PFKFB3: variants seen among roughly 807,000 people sequenced by gnomAD.
PFKFB3 encodes 6-phosphofructo-2-kinase/fructose-2,6-bisphosphatase 3.
Under a neutral mutation model 68.0 loss-of-function variants are expected in PFKFB3, and 33 were observed. The ratio of observed to expected loss-of-function variants is 0.49; its 90% CI spans 0.37 to 0.65. The LOEUF (loss-of-function observed/expected upper bound fraction) is 0.65. Among genes scored for constraint, PFKFB3 ranks in the 30% least tolerant of loss-of-function variants. PFKFB3 has a pLI of 0.00. For missense variants in PFKFB3, 586 were observed against 712.2 expected, an observed-to-expected ratio of 0.82 and a Z score of 2.02; for synonymous variants, 315 against 288.2, an observed-to-expected ratio of 1.09 and a Z score of -0.94.
intron 14 of PFKFB3, among the ~76,000 whole-genome samples, chr10:6,247,022 G>A (rs10906079): frequency 0.17 from 25,974 of 152,182 alleles, 2,981 homozygotes; most frequent in East Asian, 0.44. Context: ...AGTCCCAAAC[G>A]AAGTCAGATG....
the PFKFB3 span, among the ~76,000 whole-genome samples, chr10:6,266,298 C>G: frequency 6.6e-6 from 1 of 152,074 alleles, no homozygotes; most frequent in African/African-American, 2.4e-5. Flanking sequence ...CAAATTGTCC[C>G]AGATTTGGGT....
chr10:6,221,193 G>T (rs146333411), intron 8 of PFKFB3, among the ~76,000 whole-genome samples, 188 bp from the exon 9 acceptor site: 1 of 152,182 alleles, frequency 6.6e-6, no homozygotes, highest in Non-Finnish European at 1.5e-5. Context: ...ACTAGGAAGG[G>T]AAGGGGCAGG....
chr10:6,177,652 A>G (rs150947447), intron 1 of PFKFB3, among the ~76,000 whole-genome samples: 3,718 of 151,468 alleles, frequency 0.025, 63 homozygotes, highest in South Asian at 0.042. Flanking sequence ...CAGCCTAACA[A>G]GTAGCTGGGA....
intron 1 of PFKFB3, among the ~76,000 whole-genome samples, chr10:6,188,526 AT>A (rs1459069562): frequency 3.3e-5 from 5 of 151,880 alleles, no homozygotes; most frequent in Non-Finnish European, 7.4e-5. Context: ...CATCTTAATC[AT>A]TTTTAAATGT....
At chr10:6,168,366 T>A (rs1303367163) in intron 1 of PFKFB3, among the ~76,000 whole-genome samples, 1 of 152,210 alleles carries the variant, frequency 6.6e-6, no homozygotes, top group East Asian at 1.9e-4. Context: ...GAACGGTGGC[T>A]TCAGTCAGCC....
rs1381179905 is a variant in PFKFB3, at chr10:6,215,491, G to A, written c.299+174G>A. 6.6e-6 allele frequency among the ~76,000 whole-genome samples: 1 copy of A among 152,070 alleles called. No homozygotes were observed. The highest frequency in any genetic ancestry group is 1.5e-5 in the Non-Finnish European group (1 of 68,010). Reference sequence around the variant, plus strand: ...TGGGCTGCGGGCTTGGGCTTGCTTTGTTCTGAGCCAGGCTCTGTAGGAGGC... The same window carrying A: ...TGGGCTGCGGGCTTGGGCTTGCTTTATTCTGAGCCAGGCTCTGTAGGAGGC... On this transcript the variant is annotated intron_variant, in intron 3 of 14. Coordinates refer to ENST00000379775, the MANE Select transcript of PFKFB3 (RefSeq NM_004566.4). The surrounding 1 kb of genome is among the most constrained non-coding windows in gnomAD (Gnocchi z 4.3).
At chr10:6,183,601 C>CAAA (rs773888395) in intron 1 of PFKFB3, among the ~76,000 whole-genome samples, 3,371 of 127,622 alleles carry the variant, frequency 0.026, 93 homozygotes, top group African/African-American at 0.054. Context: ...CCAGCCTGGT[C>CAAA]AAAAAAAAAA....
the PFKFB3 span, among the ~76,000 whole-genome samples, chr10:6,323,506 C>T: frequency 1.3e-5 from 2 of 152,198 alleles, no homozygotes; most frequent in Admixed American, 6.5e-5. Flanking sequence ...TCACTTCTTA[C>T]CCTGCAGCGC....
chr10:6,311,479 C>T, the PFKFB3 span, among the ~76,000 whole-genome samples: 1 of 146,488 alleles, frequency 6.8e-6, no homozygotes, highest in Admixed American at 6.9e-5. Flanking sequence ...GTTGGCTGGG[C>T]CCAGTGGCTC....
rs577319547 is a variant in PFKFB3 at position 6,233,075 on chromosome 10, G to A, written c.*133G>A. The stretch of plus-strand genomic sequence containing the variant: ...GTGGAGCAGCGGGGGAGCCTTGGCC[G>A]AAGAGAACCATGCTTGGCACCGTCT... On this transcript the variant is annotated 3_prime_UTR_variant, in exon 15 of 15. Transcript: ENST00000379775. The A allele has an allele frequency of 3.8e-5, 28 of 730,556 alleles. 1 individual carries two copies. Among genetic ancestry groups the A allele is most frequent in the Middle Eastern group, 3.3e-4 (1 of 3,036 alleles). 45.3% of individuals were successfully genotyped at this position (730,556 alleles called of 1,614,324 possible).
the PFKFB3 span, among the ~76,000 whole-genome samples, chr10:6,302,777 C>CAT: frequency 6.0e-5 from 8 of 133,756 alleles, no homozygotes; most frequent in Non-Finnish European, 1.2e-4. Context: ...CACACACACA[C>CAT]ACATATACAC....
chr10:6,153,409 A>G (rs569500316), intron 1 of PFKFB3, among the ~76,000 whole-genome samples: 1 of 152,294 alleles, frequency 6.6e-6, no homozygotes, highest in East Asian at 1.9e-4. Flanking sequence ...TGGAGCTTAC[A>G]TGTGAATGGG....
chr10:6,169,444 G>A (rs1282940694), intron 1 of PFKFB3, among the ~76,000 whole-genome samples: 1 of 152,140 alleles, frequency 6.6e-6, no homozygotes. Context: ...GGAGTTGTCG[G>A]GGTGTGGGTA....
chr10:6,197,524 A>G (rs10795869), intron 1 of PFKFB3: 17,364 of 152,186 alleles, frequency 0.11, 1,722 homozygotes, highest in African/African-American at 0.26. Flanking sequence ...TAGCCAACAC[A>G]TGACTGTATT....
rs1443178421 is a variant in PFKFB3 at position 6,221,379 on chromosome 10, A to C, written c.832-2A>C. The C allele has an allele frequency of 6.2e-7, 1 of 1,613,520 alleles. No individual in the cohort carries two copies. The highest frequency in any genetic ancestry group is 1.3e-5 in the African/African-American group (1 of 74,868). On this transcript the variant is annotated splice_acceptor_variant, in intron 8 of 14. Transcript: ENST00000379775. LOFTEE classifies it high-confidence loss of function. ...CAGTGGTCCCCCTCCACCACCTCTC[A>C]GTTTGCCAGTGCTCTGAGCAAGTTC...
chr10:6,248,732 CTAA>C (rs1846312536), intron 14 of PFKFB3, among the ~76,000 whole-genome samples: 1 of 149,620 alleles, frequency 6.7e-6, no homozygotes, highest in African/African-American at 2.5e-5. Flanking sequence ...TTCAATATTA[CTAA>C]TGTTGATTAA....
upstream of PFKFB3, among the ~76,000 whole-genome samples, chr10:6,201,708 C>T (rs954632913): frequency 6.6e-6 from 1 of 152,202 alleles, no homozygotes; most frequent in African/African-American, 2.4e-5. This position sits in a 1 kb window ranked among gnomAD's most constrained non-coding sequence, Gnocchi z 4.1. Flanking sequence ...CAGCGAGCGC[C>T]GCCTTCCCTC....
intron 1 of PFKFB3, among the ~76,000 whole-genome samples, chr10:6,166,738 T>G (rs773798541): frequency 1.1e-4 from 17 of 152,022 alleles, no homozygotes; most frequent in Non-Finnish European, 1.9e-4. Context: ...GCTAGAAGAA[T>G]AATCATGACT....
At chr10:6,151,224 C>T (rs1348225375) in intron 1 of PFKFB3, among the ~76,000 whole-genome samples, 1 of 152,092 alleles carries the variant, frequency 6.6e-6, no homozygotes, top group Non-Finnish European at 1.5e-5. Context: ...AGCTAGGGGG[C>T]GTGGCCCCAG....
Sources: gnomAD v4.1 joint callset for allele counts (sites outside exome capture counted in the v4.1 genomes callset) on GRCh38, gnomAD v4.1.1 for gene constraint, Gnocchi (gnomAD v3.1) non-coding constraint, MANE v1.5 for transcripts, NCBI Gene and HGNC (gene_info 2026-07-23, HGNC 2026-07-21) for gene names.